The following CHLSN variants were observed in gnomAD, a reference collection of about 807,000 sequenced individuals.
The protein encoded by CHLSN is cholesin, also known as protein cholesin.
At chr7:1,070,995 CACGT>C in the CHLSN span, among the ~76,000 whole-genome samples, 2 of 151,684 alleles carry the variant, frequency 1.3e-5, no homozygotes, top group Non-Finnish European at 3.0e-5. Flanking sequence ...GGCACACACA[CACGT>C]GCACACGCAC....
At chr7:984,623 G>C in the CHLSN span, 1 of 1,526,350 alleles carries the variant, frequency 6.6e-7, no homozygotes, top group East Asian at 2.4e-5. Flanking sequence ...GGGGGCACCT[G>C]GACCCCAGGA....
the CHLSN span, among the ~76,000 whole-genome samples, chr7:1,096,850 C>T: frequency 3.9e-5 from 6 of 152,204 alleles, no homozygotes; most frequent in Non-Finnish European, 5.9e-5. This position sits in a 1 kb window ranked among gnomAD's most constrained non-coding sequence, Gnocchi z 4.6. Context: ...CTAATGCTCA[C>T]GCGCCCACTC....
At chr7:1,061,484 G>A in the CHLSN span, among the ~76,000 whole-genome samples, 1 of 151,642 alleles carries the variant, frequency 6.6e-6, no homozygotes, top group Non-Finnish European at 1.5e-5. Context: ...GAGCGCCAAG[G>A]CCTCCGTCCT....
chr7:1,019,797 T>A, the CHLSN span, among the ~76,000 whole-genome samples: 1 of 151,940 alleles, frequency 6.6e-6, no homozygotes, highest in Non-Finnish European at 1.5e-5. Context: ...CCTGATGGAG[T>A]GTGGGGGGCT....
the CHLSN span, chr7:984,550 T>C: frequency 6.4e-7 from 1 of 1,560,730 alleles, no homozygotes; most frequent in African/African-American, 1.4e-5. Context: ...CATCGCCATC[T>C]TCCAGCTCAT....
the CHLSN span, among the ~76,000 whole-genome samples, chr7:1,005,894 C>A: frequency 6.6e-6 from 1 of 152,210 alleles, no homozygotes; most frequent in African/African-American, 2.4e-5. Flanking sequence ...AGGCAGGGGG[C>A]CGGCCCCCGA....
the CHLSN span, chr7:1,045,233 T>G: frequency 6.6e-6 from 1 of 152,200 alleles, no homozygotes; most frequent in African/African-American, 2.4e-5. Flanking sequence ...TTCTCTAAAT[T>G]AGGCATAAGT....
chr7:982,242 C>T, the CHLSN span, among the ~76,000 whole-genome samples: 1 of 152,100 alleles, frequency 6.6e-6, no homozygotes, highest in African/African-American at 2.4e-5. Flanking sequence ...GTGCCTGGGG[C>T]TTTCCCTCCC....
chr7:1,121,249 G>A, the CHLSN span, among the ~76,000 whole-genome samples: 3 of 152,100 alleles, frequency 2.0e-5, no homozygotes, highest in African/African-American at 4.8e-5. Flanking sequence ...CAGACAACCC[G>A]GCATGCAGCA....
At chr7:1,101,612 C>T in the CHLSN span, among the ~76,000 whole-genome samples, 1 of 152,232 alleles carries the variant, frequency 6.6e-6, no homozygotes, top group African/African-American at 2.4e-5. Flanking sequence ...TCAGCCTCCG[C>T]GCAGCCGCCC....
the CHLSN span, among the ~76,000 whole-genome samples, chr7:1,011,912 G>A: frequency 6.6e-6 from 1 of 152,244 alleles, no homozygotes; most frequent in Non-Finnish European, 1.5e-5. Context: ...ACACAGGCAG[G>A]AAGCTCTGAG....
At chr7:1,002,910 G>T in the CHLSN span, among the ~76,000 whole-genome samples, 4 of 106,790 alleles carry the variant, frequency 3.7e-5, no homozygotes, top group African/African-American at 1.2e-4. Flanking sequence ...GAGTCCTGTG[G>T]GTTTGGAGTC....
chr7:1,022,430 C>T, the CHLSN span, among the ~76,000 whole-genome samples: 1 of 152,234 alleles, frequency 6.6e-6, no homozygotes, highest in Non-Finnish European at 1.5e-5. Flanking sequence ...TTATTAGAAT[C>T]CCACGGCGTT....
the CHLSN span, chr7:988,375 T>A: frequency 1.0e-4 from 162 of 1,612,662 alleles, 1 homozygote; most frequent in South Asian, 1.6e-3. Flanking sequence ...TGGACGCGAA[T>A]GGGCACTTTG....
chr7:1,114,132 C>T, the CHLSN span, among the ~76,000 whole-genome samples: 1 of 152,242 alleles, frequency 6.6e-6, no homozygotes, highest in African/African-American at 2.4e-5. Flanking sequence ...TCATTTCCCA[C>T]AATAAACCCA....
the CHLSN span, among the ~76,000 whole-genome samples, chr7:1,121,882 C>T: frequency 3.3e-5 from 5 of 151,696 alleles, no homozygotes; most frequent in Middle Eastern, 3.2e-3. Flanking sequence ...CACAGGGCAG[C>T]GTGCTGCACC....
At chr7:995,962 C>T in the CHLSN span, among the ~76,000 whole-genome samples, 4 of 152,334 alleles carry the variant, frequency 2.6e-5, no homozygotes, top group South Asian at 2.1e-4. Flanking sequence ...CCTGGGGACA[C>T]GGTCCTTAGG....
At chr7:1,031,423 T>C in the CHLSN span, among the ~76,000 whole-genome samples, 2 of 57,916 alleles carry the variant, frequency 3.5e-5, no homozygotes, top group South Asian at 5.7e-4. Context: ...GAGGGCAGAG[T>C]GGTCCGGGGG....
At chr7:1,029,793 C>T in the CHLSN span, among the ~76,000 whole-genome samples, 19 of 152,334 alleles carry the variant, frequency 1.2e-4, no homozygotes, top group Admixed American at 8.5e-4. Flanking sequence ...TCTGCAAGGC[C>T]GGAGTCAGGC....
Sources: gnomAD v4.1 joint callset for allele counts (sites outside exome capture counted in the v4.1 genomes callset) on GRCh38, gnomAD v4.1.1 for gene constraint, Gnocchi (gnomAD v3.1) non-coding constraint, MANE v1.5 for transcripts, NCBI Gene and HGNC (gene_info 2026-07-23, HGNC 2026-07-21) for gene names.